NLK: variants seen among roughly 807,000 people sequenced by gnomAD.
NLK encodes the protein serine/threonine-protein kinase NLK.
Under a neutral mutation model 59.0 loss-of-function variants are expected in NLK, and 11 were observed. The ratio of observed to expected loss-of-function variants is 0.19; its 90% CI spans 0.12 to 0.31. NLK has a LOEUF of 0.31. NLK is among the 10% of genes least tolerant of loss of function. The pLI, the probability that NLK is intolerant of heterozygous loss-of-function variation, is 1.00. For synonymous variants in NLK, 235 were observed against 235.9 expected, an observed-to-expected ratio of 1.00 and a Z score of 0.03; for missense variants, 410 against 661.1, an observed-to-expected ratio of 0.62 and a Z score of 4.16.
At chr17:28,183,474 A>G (rs879165934) in intron 7 of NLK, among the ~76,000 whole-genome samples, 5 of 152,280 alleles carry the variant, frequency 3.3e-5, no homozygotes, top group African/African-American at 9.6e-5. Flanking sequence ...GACTACTGGC[A>G]TGTACCACCA....
chr17:28,179,225 A>G (rs1908799662), intron 7 of NLK, among the ~76,000 whole-genome samples: 1 of 152,044 alleles, frequency 6.6e-6, no homozygotes, highest in Non-Finnish European at 1.5e-5. Context: ...AATATTTCCA[A>G]ATGAGATGTT....
At chr17:28,117,796 AAAG>A (rs1905845014) in intron 1 of NLK, among the ~76,000 whole-genome samples, 1 of 152,188 alleles carries the variant, frequency 6.6e-6, no homozygotes. Context: ...ACAAATGAGA[AAAG>A]AACTCGGCTA....
At chr17:28,110,228 T>C (rs1383106550) in intron 1 of NLK, among the ~76,000 whole-genome samples, 2 of 152,128 alleles carry the variant, frequency 1.3e-5, no homozygotes, top group Non-Finnish European at 2.9e-5. Flanking sequence ...TATATATATA[T>C]ATCTTGGAAT....
intron 7 of NLK, among the ~76,000 whole-genome samples, chr17:28,182,839 C>T (rs1470467154): frequency 2.0e-5 from 3 of 152,148 alleles, no homozygotes; most frequent in Non-Finnish European, 2.9e-5. Flanking sequence ...AGATACCACA[C>T]GGTTCACAGA....
At chr17:28,171,185 G>T (rs1908449409) in intron 6 of NLK, 1 of 152,104 alleles carries the variant, frequency 6.6e-6, no homozygotes, top group South Asian at 2.1e-4. Flanking sequence ...AAAAAGCTTT[G>T]TATAGAGATC....
intron 1 of NLK, among the ~76,000 whole-genome samples, chr17:28,119,854 A>C (rs1905947583): frequency 6.6e-6 from 1 of 152,210 alleles, no homozygotes; most frequent in African/African-American, 2.4e-5. Flanking sequence ...AGAAGGCATC[A>C]GTTCTTTGTT....
At position 28,053,089 on chromosome 17, in the gene NLK, T is replaced by C. The variant is rs1909315794; in HGVS notation, c.458+9758T>C. On this transcript the variant is annotated intron_variant, in intron 1 of 10. Transcript: ENST00000407008. ...CCGCACCTGGCCTCTCTTTGGCTTTTGTTGGATTACATACTCATTTCTGAA... is the reference window on the plus strand; with the variant it reads ...CCGCACCTGGCCTCTCTTTGGCTTTCGTTGGATTACATACTCATTTCTGAA... 4.6e-5 allele frequency among the ~76,000 whole-genome samples: 7 copies of C among 152,114 alleles called. No homozygotes were observed. In the South Asian group the frequency reaches 1.5e-3, roughly 32 times the overall value.
chr17:28,172,623 G>C lies in NLK; in HGVS notation c.1149+5G>C, dbSNP rs966215893. The C allele has an allele frequency of 4.7e-6, 7 of 1,494,262 alleles. No homozygotes were observed. The Admixed American group carries it at 1.5e-4, about 32-fold the overall frequency. 92.6% of individuals were successfully genotyped at this position (1,494,262 alleles called of 1,614,324 possible). A position where few individuals can be genotyped will look rare whatever the true frequency, so the allele number is the denominator to read the frequency against. ...CTCAGGGGTCCTCATAAACAGGTGA[G>C]AGGAGGGGGGAATCTTTTTCTGGTA... On this transcript the variant is annotated splice_donor_5th_base_variant and intron_variant, in intron 7 of 10. Coordinates refer to ENST00000407008, the MANE Select transcript of NLK (RefSeq NM_016231.5).
chr17:28,121,495 C>CTTGTTTTTTTTTTTTTTTTTTTTTTT (rs1906052005), intron 1 of NLK, among the ~76,000 whole-genome samples: 1 of 72,286 alleles, frequency 1.4e-5, no homozygotes, highest in African/African-American at 5.8e-5. Flanking sequence ...TCTTTCTTTT[C>CTTGTTTTTTTTTTTTTTTTTTTTTTT]TTTTTTTTTT....
rs150892846 is a variant in NLK, at chr17:28,141,423, G to A, written c.644+8748G>A. The stretch of plus-strand genomic sequence containing the variant: ...TAAGGACTAGCATCTGTAGATTGAT[G>A]TGTTTAGAGACTTGCCCTCCATTCA... On this transcript the variant is annotated intron_variant, in intron 3 of 10. Coordinates refer to ENST00000407008, the MANE Select transcript of NLK (RefSeq NM_016231.5). 2.8e-4 allele frequency among the ~76,000 whole-genome samples: 43 copies of A among 152,328 alleles called. No individual in the cohort carries two copies. In the East Asian group the frequency reaches 7.5e-3, roughly 27 times the overall value.
intron 1 of NLK, among the ~76,000 whole-genome samples, chr17:28,088,232 A>G (rs1172730242): frequency 6.6e-6 from 1 of 152,230 alleles, no homozygotes; most frequent in Non-Finnish European, 1.5e-5. Flanking sequence ...ACTTCATTAG[A>G]TAGTACAAGT....
At chr17:28,147,262 A>T (rs1402815969) in intron 3 of NLK, among the ~76,000 whole-genome samples, 1 of 152,180 alleles carries the variant, frequency 6.6e-6, no homozygotes, top group Non-Finnish European at 1.5e-5. Context: ...AGACTCCCTG[A>T]GTAATCATGA....
chr17:28,157,655 TAAAAAA>T (rs539237323), intron 3 of NLK, among the ~76,000 whole-genome samples: 1 of 151,826 alleles, frequency 6.6e-6, no homozygotes, highest in African/African-American at 2.4e-5. Flanking sequence ...AAATGTTACT[TAAAAAA>T]AAGAATAAGA....
chr17:28,190,563 C>T (rs1175804621), intron 8 of NLK, among the ~76,000 whole-genome samples: 4 of 152,092 alleles, frequency 2.6e-5, no homozygotes, highest in Non-Finnish European at 2.9e-5. Flanking sequence ...CTTTTGCCAT[C>T]ATCTGTTTGG....
intron 1 of NLK, among the ~76,000 whole-genome samples, chr17:28,120,734 GA>G (rs1233959727): frequency 6.6e-6 from 1 of 151,662 alleles, no homozygotes; most frequent in Non-Finnish European, 1.5e-5. Flanking sequence ...CCATGTTAAG[GA>G]AAAAAAATAC....
In NLK at chr17:28,117,207, A is replaced by C. The variant is rs563944678; in HGVS notation, c.459-5396A>C. ...GTCTCTGTATCTCCCCAGCATCTAT[A>C]GTATAGATGGAACTAATTAATTCAT... On this transcript the variant is annotated intron_variant, in intron 1 of 10. Transcript: ENST00000407008. Among the ~76,000 whole-genome samples the C allele has an allele frequency of 1.4e-4, 22 of 152,362 alleles. 1 individual carries two copies. In the South Asian group the frequency reaches 4.1e-3, roughly 29 times the overall value.
chr17:28,084,099 G>T (rs550483473), intron 1 of NLK, among the ~76,000 whole-genome samples: 1 of 152,128 alleles, frequency 6.6e-6, no homozygotes, highest in African/African-American at 2.4e-5. Flanking sequence ...TGGGTTTAAC[G>T]CTGGACTCAG....
At chr17:28,086,023 C>T (rs1188869777) in intron 1 of NLK, among the ~76,000 whole-genome samples, 6 of 152,292 alleles carry the variant, frequency 3.9e-5, no homozygotes, top group East Asian at 1.9e-4. Context: ...TTTCTCAGAA[C>T]ATATCCCTGT....
chr17:28,144,781 C>G (rs1247961514), intron 3 of NLK, among the ~76,000 whole-genome samples: 1 of 152,078 alleles, frequency 6.6e-6, no homozygotes, highest in Non-Finnish European at 1.5e-5. Context: ...AGGTGGAGAC[C>G]TAGAGGTTTC....
Sources: allele counts gnomAD v4.1 joint callset (sites outside exome capture counted in the v4.1 genomes callset), GRCh38; gene constraint gnomAD v4.1.1; transcripts MANE v1.5; gene names NCBI Gene and HGNC (gene_info 2026-07-23, HGNC 2026-07-21).